The following EDNRA variants were observed in gnomAD, a reference collection of about 807,000 sequenced individuals.
The protein encoded by EDNRA is endothelin receptor type A, also known as endothelin-1 receptor.
A neutral mutation model predicts 41.4 loss-of-function variants in EDNRA; 11 were observed. That is an observed-to-expected ratio of 0.27 (90% CI 0.17 to 0.44). EDNRA has a LOEUF of 0.44. EDNRA is among the 20% of genes least tolerant of loss of function. The pLI, the probability that EDNRA is intolerant of heterozygous loss-of-function variation, is 1.00. For missense variants in EDNRA, 294 were observed against 531.0 expected, an observed-to-expected ratio of 0.55 and a Z score of 4.39; for synonymous variants, 172 against 183.0, an observed-to-expected ratio of 0.94 and a Z score of 0.49.
Position 147,483,869 on chromosome 4 carries a change from G to A in EDNRA, c.-70-1743G>A, listed in dbSNP as rs927725966. Among the ~76,000 whole-genome samples, 8 of 151,888 alleles carry A rather than the reference G, an allele frequency of 5.3e-5. No homozygotes were observed. The South Asian group carries it at 6.3e-4, about 12-fold the overall frequency. On this transcript the variant is annotated intron_variant, in intron 1 of 7. Transcript: ENST00000651419. ...CAAGTAGCTGAGACTACAGGCACAC[G>A]CCACCATGCCTGTCTAATCTTTTTT... is the stretch of plus-strand genomic sequence containing the variant.
rs1318951767 is a variant in EDNRA, at chr4:147,486,555, T to C, written c.420+454T>C. ...TATCTACAGTCCAGCTTGAAATGAA[T>C]TGTATTTATTTTATTTTGACTGTCT... On this transcript the variant is annotated intron_variant, in intron 2 of 7. Coordinates refer to ENST00000651419, the MANE Select transcript of EDNRA (RefSeq NM_001957.4). This position sits in a 1 kb window ranked among gnomAD's most constrained non-coding sequence, Gnocchi z 4.3. Among the ~76,000 whole-genome samples, 4 of 152,222 alleles carry C rather than the reference T, an allele frequency of 2.6e-5. No homozygotes were observed. The highest frequency in any genetic ancestry group is 1.3e-4 in the Admixed American group (2 of 15,282).
intron 2 of EDNRA, among the ~76,000 whole-genome samples, chr4:147,503,718 C>T (rs143614835): frequency 0.016 from 2,508 of 152,158 alleles, 35 homozygotes; most frequent in Middle Eastern, 0.038. Context: ...AGAGTTTCGT[C>T]GTCAAAACAC....
At chr4:147,505,757 T>C (rs1729689242) in intron 2 of EDNRA, among the ~76,000 whole-genome samples, 1 of 148,802 alleles carries the variant, frequency 6.7e-6, no homozygotes, top group South Asian at 2.2e-4. Flanking sequence ...CACGTCATTC[T>C]CCTGCCTCAG....
intron 2 of EDNRA, among the ~76,000 whole-genome samples, chr4:147,501,156 TA>T (rs1321241519): frequency 6.6e-6 from 1 of 152,226 alleles, no homozygotes; most frequent in African/African-American, 2.4e-5. Flanking sequence ...CGAAGATGTC[TA>T]ATGAAGTATA....
At chr4:147,518,076 G>A (rs775717693) in intron 2 of EDNRA, among the ~76,000 whole-genome samples, 41 of 152,234 alleles carry the variant, frequency 2.7e-4, no homozygotes, top group Admixed American at 9.2e-4. Context: ...AACTGTTCCA[G>A]AGTATATCCC....
chr4:147,491,671 A>G (rs1729142512), intron 2 of EDNRA: 2 of 152,172 alleles, frequency 1.3e-5, no homozygotes. Context: ...CTATTCCCCA[A>G]CTTAGTCAAG....
At chr4:147,527,357 A>G (rs761915055) in intron 3 of EDNRA, among the ~76,000 whole-genome samples, 15 of 152,200 alleles carry the variant, frequency 9.9e-5, no homozygotes, top group Admixed American at 2.6e-4. Flanking sequence ...ATTCAAGTAA[A>G]TTATATCAAA....
At chr4:147,525,595 C>CA (rs58331044) in intron 3 of EDNRA, among the ~76,000 whole-genome samples, 9,601 of 132,332 alleles carry the variant, frequency 0.073, 760 homozygotes, top group African/African-American at 0.19. Flanking sequence ...TGTTTGGAGG[C>CA]AAAAAAAAAA....
chr4:147,523,160 G>A (rs576554750), intron 3 of EDNRA, among the ~76,000 whole-genome samples: 67 of 152,322 alleles, frequency 4.4e-4, no homozygotes, highest in South Asian at 4.1e-3. Flanking sequence ...AAGCCTCCAG[G>A]TAGTATGAGA....
intron 3 of EDNRA, among the ~76,000 whole-genome samples, chr4:147,527,083 G>C (rs1034563096): frequency 1.3e-5 from 2 of 152,136 alleles, no homozygotes; most frequent in Non-Finnish European, 2.9e-5. Context: ...AGATAGGGGC[G>C]GCACTGTACC....
intron 3 of EDNRA, among the ~76,000 whole-genome samples, chr4:147,522,135 G>A (rs1346872867): frequency 1.3e-5 from 2 of 152,124 alleles, no homozygotes. Flanking sequence ...TTAGCCATCT[G>A]AGGGAAAAAG....
At chr4:147,532,737 A>G (rs747367821) in intron 4 of EDNRA, 33 bp downstream of exon 4, 1 of 1,606,636 alleles carries the variant, frequency 6.2e-7, no homozygotes, top group East Asian at 2.2e-5. Flanking sequence ...TAACTGGGGA[A>G]GGGAGGAGGT....
chr4:147,524,778 T>G (rs192989592), intron 3 of EDNRA, among the ~76,000 whole-genome samples: 247 of 152,338 alleles, frequency 1.6e-3, no homozygotes, highest in African/African-American at 5.6e-3. Flanking sequence ...AGGGAATCTA[T>G]TTGACATTTC....
chr4:147,487,943 C>G (rs909919342), intron 2 of EDNRA: 1 of 152,198 alleles, frequency 6.6e-6, no homozygotes, highest in Non-Finnish European at 1.5e-5. Context: ...AAAGTTTTCT[C>G]TTTATGATAT....
At chr4:147,505,771 C>T (rs904595384) in intron 2 of EDNRA, among the ~76,000 whole-genome samples, 2 of 150,800 alleles carry the variant, frequency 1.3e-5, no homozygotes, top group Admixed American at 1.3e-4. Context: ...GCCTCAGCCT[C>T]CCGAGTAGCT....
Position 147,542,682 on chromosome 4 carries a change from C to T in EDNRA, c.*64C>T. 6.4e-7 allele frequency: 1 copy of T among 1,573,176 alleles called. No individual in the cohort carries two copies. Among genetic ancestry groups the T allele is most frequent in the Middle Eastern group, 1.7e-4 (1 of 5,946 alleles). The stretch of plus-strand genomic sequence containing the variant: ...CTCGGAGAAAAAAATCACAAGGCAA[C>T]TGTGAGTCCGGGAATCTCTTCTCTG... On this transcript the variant is annotated 3_prime_UTR_variant, in exon 8 of 8. Transcript: ENST00000651419.
intron 2 of EDNRA, chr4:147,491,770 A>T (rs545451884): frequency 2.0e-5 from 3 of 152,356 alleles, no homozygotes; most frequent in East Asian, 3.9e-4. Flanking sequence ...ATGTACTCCA[A>T]GAATCATGCT....
At chr4:147,517,398 G>C (rs1730151573) in intron 2 of EDNRA, among the ~76,000 whole-genome samples, 2 of 152,168 alleles carry the variant, frequency 1.3e-5, no homozygotes, top group African/African-American at 4.8e-5. Context: ...GGTTCTACTT[G>C]AGGTTAGATA....
At chr4:147,523,351 A>G (rs1730391226) in intron 3 of EDNRA, among the ~76,000 whole-genome samples, 1 of 152,116 alleles carries the variant, frequency 6.6e-6, no homozygotes, top group Non-Finnish European at 1.5e-5. Context: ...TTTTGGAGTG[A>G]AATACTTCTA....
Sources: allele counts gnomAD v4.1 joint callset (sites outside exome capture counted in the v4.1 genomes callset), GRCh38; gene constraint gnomAD v4.1.1; non-coding constraint Gnocchi (gnomAD v3.1); transcripts MANE v1.5; gene names NCBI Gene and HGNC (gene_info 2026-07-23, HGNC 2026-07-21).